The following SLC4A4 variants were observed in gnomAD, a reference collection of about 807,000 sequenced individuals.
The protein encoded by SLC4A4 is solute carrier family 4 member 4.
Under a neutral mutation model 111.5 loss-of-function variants are expected in SLC4A4, and 27 were observed. That is an observed-to-expected ratio of 0.24 (90% CI 0.18 to 0.33). The LOEUF is 0.33. SLC4A4 is among the 10% of genes least tolerant of loss of function. SLC4A4 has a pLI of 1.00. For synonymous variants in SLC4A4, 443 were observed against 463.4 expected (o/e 0.96, Z 0.57); for missense variants, 909 against 1,315.5 (o/e 0.69, Z 4.78).
chr4:71,184,366 T>A (rs574864523), upstream of SLC4A4, among the ~76,000 whole-genome samples: 1 of 152,204 alleles, frequency 6.6e-6, no homozygotes, highest in Non-Finnish European at 1.5e-5. Context: ...AGAGACATTA[T>A]GTCGTCATCA....
chr4:71,200,148 A>T (rs181485731), intron 1 of SLC4A4, among the ~76,000 whole-genome samples: 1 of 152,266 alleles, frequency 6.6e-6, no homozygotes, highest in Non-Finnish European at 1.5e-5. Context: ...GGGTGGGATG[A>T]TGTGAAAGCC....
chr4:71,338,415 A>T (rs1043566967), intron 3 of SLC4A4, among the ~76,000 whole-genome samples: 1 of 152,202 alleles, frequency 6.6e-6, no homozygotes, highest in Non-Finnish European at 1.5e-5. Context: ...TCACATGTAT[A>T]TAACATTGTT....
chr4:71,154,369 T>C (rs1484295646), intron 2 of SLC4A4, among the ~76,000 whole-genome samples: 1 of 152,116 alleles, frequency 6.6e-6, no homozygotes, highest in Non-Finnish European at 1.5e-5. Context: ...GACGCTTTCA[T>C]TGGAAGAAAG....
intron 6 of SLC4A4, among the ~76,000 whole-genome samples, chr4:71,362,297 G>C (rs1032487495): frequency 1.3e-5 from 2 of 151,996 alleles, no homozygotes; most frequent in Non-Finnish European, 2.9e-5. Flanking sequence ...CTAATTTTAC[G>C]ACCTCACTTT....
chr4:71,466,935 G>GAGAGAC (rs1727385726), intron 13 of SLC4A4, among the ~76,000 whole-genome samples: 1 of 110,432 alleles, frequency 9.1e-6, no homozygotes, highest in Non-Finnish European at 1.9e-5. Flanking sequence ...GACGGGAAGA[G>GAGAGAC]AGAGAGAGAG....
intron 3 of SLC4A4, among the ~76,000 whole-genome samples, chr4:71,289,388 A>G (rs941753983): frequency 2.0e-5 from 3 of 152,188 alleles, no homozygotes; most frequent in African/African-American, 7.2e-5. Context: ...GTTAATTACA[A>G]CTAGTTAGTG....
At chr4:71,107,539 G>C (rs768366874) in intron 2 of SLC4A4, among the ~76,000 whole-genome samples, 1 of 151,814 alleles carries the variant, frequency 6.6e-6, no homozygotes, top group Non-Finnish European at 1.5e-5. Context: ...TAGTAGAGAC[G>C]GGGTTTCACC....
At chr4:71,084,593 C>T (rs1267499581) in intron 1 of SLC4A4, among the ~76,000 whole-genome samples, 3 of 151,904 alleles carry the variant, frequency 2.0e-5, no homozygotes, top group African/African-American at 7.3e-5. Context: ...TGTGATGTTC[C>T]CCTTCCTGTG....
At chr4:71,346,206 G>A (rs1425341986) in intron 4 of SLC4A4, among the ~76,000 whole-genome samples, 1 of 151,862 alleles carries the variant, frequency 6.6e-6, no homozygotes, top group East Asian at 1.9e-4. Flanking sequence ...CACTGAAAAT[G>A]TCTTAAACTG....
At chr4:71,120,505 C>A (rs933706099) in intron 2 of SLC4A4, among the ~76,000 whole-genome samples, 1 of 152,176 alleles carries the variant, frequency 6.6e-6, no homozygotes, top group African/African-American at 2.4e-5. Flanking sequence ...TCCCTCTAGT[C>A]TCTACTTTTC....
chr4:71,183,441 A>G (rs558976358), upstream of SLC4A4, among the ~76,000 whole-genome samples: 4 of 152,306 alleles, frequency 2.6e-5, no homozygotes, highest in African/African-American at 9.6e-5. Flanking sequence ...GTATTTTTAA[A>G]CCTGGGGTTT....
In SLC4A4 at chr4:71,070,179, G is replaced by A. The variant is rs563409462; in HGVS notation, c.-65+7391G>A. The stretch of plus-strand genomic sequence containing the variant: ...ATGAATGACTTTACTAGTGTAAAGA[G>A]TAACACAGTGGACTCCTGTGTATCA... On this transcript the variant is annotated intron_variant, in intron 1 of 26. Coordinates refer to the SLC4A4 transcript ENST00000649996. Among the ~76,000 whole-genome samples the A allele has an allele frequency of 4.4e-4, 67 of 152,326 alleles. No individual in the cohort carries two copies. The South Asian group carries it at 6.4e-3, about 15-fold the overall frequency.
intron 16 of SLC4A4, among the ~76,000 whole-genome samples, chr4:71,519,565 C>T (rs1732738337): frequency 6.6e-6 from 1 of 152,054 alleles, no homozygotes; most frequent in Non-Finnish European, 1.5e-5. Context: ...TCCCTTATAC[C>T]CCAACTCATT....
intron 23 of SLC4A4, among the ~76,000 whole-genome samples, chr4:71,562,787 T>A (rs1323836108): frequency 6.6e-6 from 1 of 151,746 alleles, no homozygotes; most frequent in Non-Finnish European, 1.5e-5. Context: ...CATCTTTATT[T>A]TTTTTTCTTT....
intron 6 of SLC4A4, among the ~76,000 whole-genome samples, chr4:71,397,126 A>G (rs1719888736): frequency 6.6e-6 from 1 of 152,134 alleles, no homozygotes; most frequent in Non-Finnish European, 1.5e-5. Flanking sequence ...AGGGCTGCAA[A>G]GGCCTGGGGG....
intron 3 of SLC4A4, among the ~76,000 whole-genome samples, chr4:71,267,316 A>T (rs1052462121): frequency 1.3e-5 from 2 of 152,156 alleles, no homozygotes; most frequent in African/African-American, 2.4e-5. Flanking sequence ...TGAGAAAGTT[A>T]TGCTTGAGTT....
intron 2 of SLC4A4, among the ~76,000 whole-genome samples, chr4:71,177,282 A>G (rs1745125583): frequency 6.6e-6 from 1 of 152,186 alleles, no homozygotes; most frequent in Non-Finnish European, 1.5e-5. Context: ...AACGAGCAAA[A>G]TAACCAGCTA....
chr4:71,402,164 G>A (rs1218440233), intron 7 of SLC4A4, among the ~76,000 whole-genome samples: 1 of 152,158 alleles, frequency 6.6e-6, no homozygotes, highest in African/African-American at 2.4e-5. Flanking sequence ...AAAGTATGCG[G>A]ATGAAACCAT....
intron 7 of SLC4A4, among the ~76,000 whole-genome samples, chr4:71,439,419 G>GAGC (rs957929323): frequency 2.0e-5 from 2 of 100,966 alleles, no homozygotes; most frequent in Non-Finnish European, 1.8e-5. Flanking sequence ...CTGGGCAACA[G>GAGC]AGCAAGACTC....
Sources: gnomAD v4.1 joint callset for allele counts (sites outside exome capture counted in the v4.1 genomes callset) on GRCh38, gnomAD v4.1.1 for gene constraint, MANE v1.5 for transcripts, NCBI Gene and HGNC (gene_info 2026-07-23, HGNC 2026-07-21) for gene names.